The following EP300 variants were observed in gnomAD, a reference collection of about 807,000 sequenced individuals.
EP300 encodes EP300 lysine acetyltransferase, also known as histone acetyltransferase p300.
Under a neutral mutation model 264.0 loss-of-function variants are expected in EP300, and 31 were observed. The observed-to-expected ratio is 0.12, with a 90% CI of 0.09 to 0.16. The LOEUF (loss-of-function observed/expected upper bound fraction) is 0.16, where lower values mean the gene tolerates loss of function less well. Ranked by LOEUF, EP300 falls within the 10% of genes least tolerant of loss-of-function variation. The pLI is 1.00. For synonymous variants in EP300, 1,340 were observed against 1,045.4 expected (o/e 1.28, Z -5.44); for missense variants, 2,766 against 3,052.9 (o/e 0.91, Z 2.21).
chr22:41,115,630 G>A (rs964742415), intron 1 of EP300, among the ~76,000 whole-genome samples: 1 of 152,120 alleles, frequency 6.6e-6, no homozygotes, highest in African/African-American at 2.4e-5. Flanking sequence ...GGGTCTTGCT[G>A]TGTTGACCTG....
chr22:41,142,535 T>G (rs946263040), intron 10 of EP300, among the ~76,000 whole-genome samples: 4 of 152,050 alleles, frequency 2.6e-5, no homozygotes, highest in Non-Finnish European at 5.9e-5. Context: ...AAAGTCAAGA[T>G]TAGAGTTGAG....
chr22:41,134,163 CTTTT>C (rs11362436), intron 6 of EP300, among the ~76,000 whole-genome samples: 48 of 105,632 alleles, frequency 4.5e-4, no homozygotes, highest in African/African-American at 1.7e-3. Context: ...TCATTCTTTT[CTTTT>C]TTTTTTTTTT....
intron 18 of EP300, among the ~76,000 whole-genome samples, chr22:41,157,691 A>T (rs538002504): frequency 1.3e-5 from 2 of 151,456 alleles, no homozygotes; most frequent in South Asian, 2.1e-4. Flanking sequence ...CTGATTTTTT[A>T]AATTTGTTTT....
chr22:41,135,308 C>G (rs1448161951), intron 6 of EP300, among the ~76,000 whole-genome samples: 3 of 152,120 alleles, frequency 2.0e-5, no homozygotes, highest in Non-Finnish European at 2.9e-5. Flanking sequence ...TTGGGTAGTT[C>G]CCTTTTGTTT....
At chr22:41,161,363 A>C (rs1323774180) in intron 20 of EP300, among the ~76,000 whole-genome samples, 1 of 152,208 alleles carries the variant, frequency 6.6e-6, no homozygotes, top group South Asian at 2.1e-4. Context: ...CATGCCTGTC[A>C]TCTCAGCACT....
At chr22:41,152,181 T>TA in intron 15 of EP300, 25 bp from the exon 16 acceptor site, 1 of 1,612,982 alleles carries the variant, frequency 6.2e-7, no homozygotes, top group Non-Finnish European at 8.5e-7. Flanking sequence ...TTTGGAATAC[T>TA]AAAAATTCTT....
chr22:41,117,154 A>G, intron 1 of EP300, 33 bp from the exon 2 acceptor site: 2 of 1,601,084 alleles, frequency 1.2e-6, no homozygotes, highest in Non-Finnish European at 1.7e-6. Context: ...GTTTTGTCAT[A>G]CTTTGACCTT....
Position 41,141,106 on chromosome 22 carries a change from A to G in EP300, c.1937A>G (p.Glu646Gly). The change falls in exon 10 of 31, where the codon GAA becomes GGA. Residue 646 changes from glutamate to glycine, a missense_variant. Glu to Gly is a moderately conservative substitution (Grantham distance 98). Coordinates refer to ENST00000263253, the MANE Select transcript of EP300 (RefSeq NM_001429.4). ...TATAAGATCCAGAAAGAACTAGAAG[A>G]AAAACGAAGGACCAGACTACAGAAG... The part of the protein sequence containing the change: ...KIYKIQKELE[E>G]KRRTRLQKQN... 6.2e-7 allele frequency: 1 copy of G among 1,614,212 alleles called. No individual in the cohort carries two copies. Among genetic ancestry groups the G allele is most frequent in the Non-Finnish European group, 8.5e-7 (1 of 1,180,024 alleles).
chr22:41,158,372 T>G (rs2059089112), intron 18 of EP300, 40 bp from the exon 19 acceptor site: 2 of 1,562,276 alleles, frequency 1.3e-6, no homozygotes, highest in African/African-American at 1.4e-5. Context: ...AGCTTGTCCT[T>G]AAGGCCTCTG....
intron 19 of EP300, chr22:41,160,156 C>T (rs571153686): frequency 1.8e-5 from 3 of 168,230 alleles, no homozygotes; most frequent in East Asian, 1.7e-4. Context: ...TGATTATTTA[C>T]ATCACATAGC....
At chr22:41,160,416 T>C in intron 19 of EP300, 1 of 480,284 alleles carries the variant, frequency 2.1e-6, no homozygotes, top group Non-Finnish European at 3.7e-6. Flanking sequence ...TTGGCTTTGA[T>C]TGCAAAAAAA....
At chr22:41,115,554 T>A (rs1314323380) in intron 1 of EP300, among the ~76,000 whole-genome samples, 2 of 152,112 alleles carry the variant, frequency 1.3e-5, no homozygotes, top group East Asian at 3.8e-4. Flanking sequence ...CACCTTAGCC[T>A]CCTGAGTGGC....
Position 41,177,820 on chromosome 22 carries a change from G to T in EP300, c.6109G>T (p.Gly2037Cys). The part of the protein sequence containing the change: ...MAPQPGLGQV[G>C]ISPLKPGTVS... ...TCCACAACCAGGATTGGGCCAGGTA[G>T]GTATCAGCCCACTCAAACCAGGCAC... is the stretch of plus-strand genomic sequence containing the variant. Residue 2037 changes from glycine (G) to cysteine (C), a missense_variant, in exon 31 of 31, where the codon GGT (glycine) becomes TGT (cysteine). Physicochemically the swap from Gly to Cys is radical, Grantham distance 159. Coordinates refer to ENST00000263253, the MANE Select transcript of EP300 (RefSeq NM_001429.4). The T allele has an allele frequency of 6.2e-7, 1 of 1,614,084 alleles. No homozygotes were observed. The highest frequency in any genetic ancestry group is 1.3e-5 in the African/African-American group (1 of 75,038).
intron 1 of EP300, among the ~76,000 whole-genome samples, chr22:41,093,583 A>G (rs1387155049): frequency 6.6e-6 from 1 of 152,086 alleles, no homozygotes; most frequent in Non-Finnish European, 1.5e-5. Context: ...AAAAATCTTG[A>G]TTTTGTGTGT....
chr22:41,151,854 A>G lies in EP300; in HGVS notation c.2839A>G (p.Ile947Val), dbSNP rs1364798285. The stretch of plus-strand genomic sequence containing the variant: ...CCAGCTTTCCCAGCCAGCTGTAAGC[A>G]TTGAAGGACAGGTATCAAATCCTCC... ...ATPLSQPAVSIEGQVSNPPST... is the reference protein window; with the variant it reads ...ATPLSQPAVSVEGQVSNPPST... The change falls in exon 15 of 31, where the codon ATT becomes GTT. Residue 947 changes from isoleucine (I) to valine (V), a missense_variant. Ile to Val is a conservative substitution (Grantham distance 29, BLOSUM62 3). Coordinates refer to ENST00000263253, the MANE Select transcript of EP300 (RefSeq NM_001429.4). The G allele has an allele frequency of 6.2e-7, 1 of 1,614,090 alleles. No homozygotes were observed. Among genetic ancestry groups the G allele is most frequent in the Non-Finnish European group, 8.5e-7 (1 of 1,180,026 alleles).
rs1345227904 is a variant in EP300, at chr22:41,176,539, G to C, written c.5061+11G>C. ...TGTACTGTCTGTGAGGTAGGCACCG[G>C]GTTGTGGGAAGGAGGAGGTGAGCTC... On this transcript the variant is annotated intron_variant, in intron 30 of 30. Transcript: ENST00000263253. The C allele has an allele frequency of 6.2e-7, 1 of 1,613,604 alleles. No homozygotes were observed. The highest frequency in any genetic ancestry group is 1.3e-5 in the African/African-American group (1 of 75,030).
chr22:41,130,986 C>T (rs956421662), intron 5 of EP300, among the ~76,000 whole-genome samples: 7 of 152,002 alleles, frequency 4.6e-5, no homozygotes, highest in African/African-American at 1.7e-4. Flanking sequence ...AGACAATTCA[C>T]CAGAGACGGG....
At chr22:41,107,138 C>T (rs913537218) in intron 1 of EP300, among the ~76,000 whole-genome samples, 5 of 151,960 alleles carry the variant, frequency 3.3e-5, no homozygotes, top group African/African-American at 1.2e-4. Context: ...AACTCCTGAT[C>T]TCCGCCAGCC....
At chr22:41,151,369 C>T (rs1006966204) in intron 14 of EP300, among the ~76,000 whole-genome samples, 2 of 152,116 alleles carry the variant, frequency 1.3e-5, no homozygotes, top group Non-Finnish European at 2.9e-5. Flanking sequence ...TAGGGAATGC[C>T]AGTTTATCTC....
Sources: gnomAD v4.1 joint callset for allele counts (sites outside exome capture counted in the v4.1 genomes callset) on GRCh38, gnomAD v4.1.1 for gene constraint, MANE v1.5 for transcripts, NCBI Gene and HGNC (gene_info 2026-07-23, HGNC 2026-07-21) for gene names.